The following MCTP2 variants were observed in gnomAD, a reference collection of about 807,000 sequenced individuals.
The protein encoded by MCTP2 is multiple C2 and transmembrane domain containing 2.
Under a neutral mutation model 111.6 loss-of-function variants are expected in MCTP2, and 132 were observed. The observed-to-expected ratio is 1.18, with a 90% CI of 1.03 to 1.37. The LOEUF (loss-of-function observed/expected upper bound fraction) is 1.37. Among genes scored for constraint, MCTP2 ranks in the 40% most tolerant of loss-of-function variants. MCTP2 has a pLI of 0.00. For synonymous variants in MCTP2, 395 were observed against 387.7 expected, an observed-to-expected ratio of 1.02 and a Z score of -0.22; for missense variants, 1,183 against 1,067.9, an observed-to-expected ratio of 1.11 and a Z score of -1.50.
intron 17 of MCTP2, among the ~76,000 whole-genome samples, chr15:94,430,577 C>CAAAAAAAAAAA (rs11289166): frequency 1.0e-5 from 1 of 96,690 alleles, no homozygotes; most frequent in African/African-American, 4.2e-5. Flanking sequence ...ACTAAAAATA[C>CAAAAAAAAAAA]AAAAAAAAAA....
chr15:94,313,639 T>G (rs1219276632), intron 2 of MCTP2, among the ~76,000 whole-genome samples: 1 of 151,918 alleles, frequency 6.6e-6, no homozygotes, highest in Non-Finnish European at 1.5e-5. Flanking sequence ...AGGTGGAGGT[T>G]GCAGTGAGCC....
intron 14 of MCTP2, among the ~76,000 whole-genome samples, chr15:94,395,534 T>C (rs2081237727): frequency 6.6e-6 from 1 of 152,136 alleles, no homozygotes; most frequent in South Asian, 2.1e-4. Flanking sequence ...TTAAAAAGAG[T>C]TCAAGATGAG....
At chr15:94,356,006 A>G (rs2078601548) in intron 8 of MCTP2, 131 bp from the exon 9 acceptor site, 1 of 1,361,984 alleles carries the variant, frequency 7.3e-7, no homozygotes, top group African/African-American at 1.5e-5. Context: ...CCAATGAAAA[A>G]AACAGTTTTC....
chr15:94,310,869 G>T (rs1257129820), intron 2 of MCTP2, among the ~76,000 whole-genome samples: 3 of 151,776 alleles, frequency 2.0e-5, no homozygotes, highest in Non-Finnish European at 4.4e-5. Flanking sequence ...AAAGTTCCAG[G>T]AGGTCGAGGC....
At chr15:94,350,565 G>A (rs1004510772) in intron 8 of MCTP2, among the ~76,000 whole-genome samples, 67 of 146,962 alleles carry the variant, frequency 4.6e-4, no homozygotes, top group African/African-American at 1.7e-3. Flanking sequence ...GCGAGACTCC[G>A]TCTCAAAATA....
chr15:94,327,709 A>C (rs552139043), intron 4 of MCTP2, among the ~76,000 whole-genome samples: 1 of 152,172 alleles, frequency 6.6e-6, no homozygotes, highest in Non-Finnish European at 1.5e-5. Context: ...TCCTGCAGTA[A>C]GTGATTAGAG....
At position 94,250,311 on chromosome 15, in the gene MCTP2, A is replaced by G. The variant is rs574343918; in HGVS notation, c.-66+18647A>G. On this transcript the variant is annotated intron_variant, in intron 1 of 22. Coordinates refer to ENST00000357742, the MANE Select transcript of MCTP2 (RefSeq NM_001385001.1). ...TCTGTGCTACATTTCCTAGGCTTGT[A>G]GAACATTTATAGTTTGTAGTAACTC... is the stretch of plus-strand genomic sequence containing the variant. Among the ~76,000 whole-genome samples the G allele has an allele frequency of 9.2e-5, 14 of 152,310 alleles. No homozygotes were observed. In the Middle Eastern group the frequency reaches 0.01, roughly 111 times the overall value.
chr15:94,356,192 G>T lies in MCTP2; in HGVS notation c.1061G>T (p.Trp354Leu), dbSNP rs756578516. 11 of 1,613,190 alleles carry T rather than the reference G, an allele frequency of 6.8e-6. No homozygotes were observed. The Middle Eastern group carries it at 5.0e-4, about 73-fold the overall frequency. ...GAGTCCTTGAAAAAGAACCAACTCT[G>T]GAACGGGATTATAAGTATAACTTTG... ...LSESLKKNQL[W>L]NGIISITLLE... The change falls in exon 9 of 23, where the codon TGG becomes TTG. Residue 354 changes from tryptophan (W) to leucine (L), a missense_variant. Trp to Leu is a moderately conservative substitution (Grantham distance 61, BLOSUM62 -2). Transcript: ENST00000357742.
intron 14 of MCTP2, among the ~76,000 whole-genome samples, chr15:94,391,264 C>T (rs987551006): frequency 1.3e-5 from 2 of 152,082 alleles, no homozygotes; most frequent in Non-Finnish European, 2.9e-5. Context: ...TGTGTATCTC[C>T]ATTTGCATTT....
chr15:94,450,081 A>G (rs917718209), intron 19 of MCTP2, among the ~76,000 whole-genome samples: 5 of 151,980 alleles, frequency 3.3e-5, no homozygotes, highest in Middle Eastern at 3.4e-3. Flanking sequence ...CAACCCTATT[A>G]TTTGATACTA....
chr15:94,414,643 C>T (rs767444819), intron 17 of MCTP2, among the ~76,000 whole-genome samples: 1 of 152,126 alleles, frequency 6.6e-6, no homozygotes, highest in Non-Finnish European at 1.5e-5. Flanking sequence ...TAAAAGCTTG[C>T]AGTGCAAGGA....
At chr15:94,240,149 A>G (rs1381576892) in intron 1 of MCTP2, among the ~76,000 whole-genome samples, 1 of 151,876 alleles carries the variant, frequency 6.6e-6, no homozygotes, top group Non-Finnish European at 1.5e-5. Flanking sequence ...GCTGCTGTAT[A>G]TTTTATTTTG....
intron 12 of MCTP2, among the ~76,000 whole-genome samples, chr15:94,376,226 G>T (rs779587291): frequency 2.0e-5 from 3 of 152,184 alleles, no homozygotes; most frequent in South Asian, 4.1e-4. Flanking sequence ...GATTTGAGCC[G>T]TAACTGCAGT....
chr15:94,456,634 A>G (rs144572348), intron 19 of MCTP2, among the ~76,000 whole-genome samples: 1 of 152,370 alleles, frequency 6.6e-6, no homozygotes, highest in Non-Finnish European at 1.5e-5. Flanking sequence ...GTAAGGGAAA[A>G]AATTCAAATT....
chr15:94,257,102 TGTTAGAAGC>T (rs2072824125), intron 1 of MCTP2, among the ~76,000 whole-genome samples: 1 of 152,208 alleles, frequency 6.6e-6, no homozygotes, highest in African/African-American at 2.4e-5. Context: ...ACCTCTTTGC[TGTTAGAAGC>T]AAGGAACATG....
chr15:94,459,212 C>T (rs912611178), intron 20 of MCTP2, among the ~76,000 whole-genome samples: 3 of 152,040 alleles, frequency 2.0e-5, no homozygotes, highest in Non-Finnish European at 4.4e-5. Flanking sequence ...GTCGTGTCTA[C>T]GGGGATCATT....
chr15:94,280,935 G>A (rs2074448654), intron 1 of MCTP2, among the ~76,000 whole-genome samples: 1 of 151,732 alleles, frequency 6.6e-6, no homozygotes, highest in South Asian at 2.1e-4. Flanking sequence ...TGTTTTTATT[G>A]AGAGTGTGGT....
At chr15:94,378,247 C>A (rs181834826) in intron 12 of MCTP2, among the ~76,000 whole-genome samples, 2 of 151,806 alleles carry the variant, frequency 1.3e-5, no homozygotes, top group Non-Finnish European at 2.9e-5. Flanking sequence ...TAGGGCCAAG[C>A]GCAGTGACTC....
In MCTP2 at chr15:94,470,367, C is replaced by G; in HGVS notation, c.2395C>G (p.Leu799Val). Residue 799 changes from leucine to valine, a missense_variant, in exon 21 of 23, where the codon CTG becomes GTG. By Grantham distance (32) the Leu-to-Val change is conservative. Coordinates refer to ENST00000357742, the MANE Select transcript of MCTP2 (RefSeq NM_001385001.1). Reference protein sequence around the residue: ...FNWTVPFLSSLACLILAAATI... With the variant: ...FNWTVPFLSSVACLILAAATI... ...CTGGACGGTCCCCTTCCTTTCATCT[C>G]TGGCCTGTTTGATTCTGGCAGCAGC... is the stretch of plus-strand genomic sequence containing the variant. 1 of 1,613,882 alleles carries G rather than the reference C, an allele frequency of 6.2e-7. No homozygotes were observed. Among genetic ancestry groups the G allele is most frequent in the Non-Finnish European group, 8.5e-7 (1 of 1,179,788 alleles).
Sources: allele counts gnomAD v4.1 joint callset (sites outside exome capture counted in the v4.1 genomes callset), GRCh38; gene constraint gnomAD v4.1.1; transcripts MANE v1.5; gene names NCBI Gene and HGNC (gene_info 2026-07-23, HGNC 2026-07-21).